The following CNTN5 variants were observed in gnomAD, a reference collection of about 807,000 sequenced individuals.
CNTN5 encodes the protein contactin 5, also known as contactin-5.
A neutral mutation model predicts 129.1 loss-of-function variants in CNTN5; 77 were observed. The observed-to-expected ratio is 0.60, with a 90% CI of 0.50 to 0.72. The LOEUF is 0.72. CNTN5 is among the 30% of genes least tolerant of loss of function. The pLI, the probability that CNTN5 is intolerant of heterozygous loss-of-function variation, is 0.00. For synonymous variants in CNTN5, 509 were observed against 465.6 expected (o/e 1.09, Z -1.20); for missense variants, 1,478 against 1,328.8 (o/e 1.11, Z -1.75).
At chr11:100,246,159 G>A (rs1257269696) in intron 16 of CNTN5, among the ~76,000 whole-genome samples, 3 of 152,042 alleles carry the variant, frequency 2.0e-5, no homozygotes, top group African/African-American at 7.2e-5. Context: ...GATTGATATT[G>A]TCAAAGTTAC....
intron 3 of CNTN5, among the ~76,000 whole-genome samples, chr11:99,782,357 G>T (rs1323303191): frequency 1.3e-5 from 2 of 149,582 alleles, no homozygotes; most frequent in African/African-American, 5.0e-5. Flanking sequence ...AACATTCCAT[G>T]CTCATGGGTA....
chr11:100,177,934 C>T (rs1948021648), intron 13 of CNTN5, among the ~76,000 whole-genome samples: 1 of 152,078 alleles, frequency 6.6e-6, no homozygotes, highest in South Asian at 2.1e-4. Context: ...GCCACATCCC[C>T]ACCCTGTACT....
At chr11:99,543,902 C>T (rs1466622004) in intron 2 of CNTN5, among the ~76,000 whole-genome samples, 1 of 99,136 alleles carries the variant, frequency 1.0e-5, no homozygotes, top group African/African-American at 4.1e-5. Context: ...GCTTGGGTAA[C>T]AGAGAGAGTC....
At chr11:99,592,078 A>C (rs2135670664) in intron 3 of CNTN5, among the ~76,000 whole-genome samples, 1 of 152,318 alleles carries the variant, frequency 6.6e-6, no homozygotes, top group East Asian at 1.9e-4. Flanking sequence ...TGAAATTTGA[A>C]AGAAAAACTA....
At chr11:99,872,317 T>A (rs1450651943) in intron 6 of CNTN5, among the ~76,000 whole-genome samples, 2 of 152,158 alleles carry the variant, frequency 1.3e-5, no homozygotes, top group Admixed American at 6.6e-5. Flanking sequence ...AGTTATTTTT[T>A]ACTTCCAGAA....
In CNTN5 at chr11:99,809,150, G is replaced by C. The variant is rs191696557; in HGVS notation, c.56-10394G>C. ...GGAAAAATTTTTGTTTACTCTATGG[G>C]GGAGAATGATGTCAGACCCTCTTAA... On this transcript the variant is annotated intron_variant, in intron 3 of 24. Transcript: ENST00000524871. Among the ~76,000 whole-genome samples, 111 of 152,160 alleles carry C rather than the reference G, an allele frequency of 7.3e-4. 1 individual carries two copies. Among genetic ancestry groups the C allele is most frequent in the Non-Finnish European group, 1.3e-3 (88 of 68,006 alleles).
At chr11:99,334,080 A>G (rs1053471920) in intron 2 of CNTN5, among the ~76,000 whole-genome samples, 31 of 152,002 alleles carry the variant, frequency 2.0e-4, no homozygotes, top group Non-Finnish European at 4.4e-5. Context: ...CCAAAACTAA[A>G]AAGGCCAGCA....
At chr11:99,637,582 AT>A (rs1458172324) in intron 3 of CNTN5, among the ~76,000 whole-genome samples, 1 of 152,060 alleles carries the variant, frequency 6.6e-6, no homozygotes, top group Non-Finnish European at 1.5e-5. Context: ...AAAAATCAGT[AT>A]TTTTTTAAGT....
At chr11:100,323,473 C>T (rs947943132) in intron 21 of CNTN5, among the ~76,000 whole-genome samples, 1 of 152,132 alleles carries the variant, frequency 6.6e-6, no homozygotes, top group Non-Finnish European at 1.5e-5. Flanking sequence ...AGAGTAAACT[C>T]TCCTCTAGCT....
At chr11:99,178,790 AATATT>A (rs1857906081) in intron 1 of CNTN5, among the ~76,000 whole-genome samples, 2 of 152,174 alleles carry the variant, frequency 1.3e-5, no homozygotes, top group Admixed American at 1.3e-4. Context: ...TTTCAATTCT[AATATT>A]ATATAATTAT....
At chr11:99,213,612 T>A (rs1448979210) in intron 1 of CNTN5, among the ~76,000 whole-genome samples, 2 of 151,712 alleles carry the variant, frequency 1.3e-5, no homozygotes, top group East Asian at 3.9e-4. Context: ...TGTAATAAAT[T>A]GCTAAATTTC....
chr11:99,909,581 G>A (rs12808797), intron 6 of CNTN5, among the ~76,000 whole-genome samples: 1 of 152,112 alleles, frequency 6.6e-6, no homozygotes, highest in African/African-American at 2.4e-5. Context: ...AACAATGATA[G>A]ACTGGATTAA....
At chr11:100,272,845 C>T (rs1950432160) in intron 18 of CNTN5, among the ~76,000 whole-genome samples, 2 of 152,258 alleles carry the variant, frequency 1.3e-5, no homozygotes, top group South Asian at 4.1e-4. Context: ...ACCCCCTAGA[C>T]CACCACGGAC....
At chr11:100,098,872 G>A (rs115357267) in intron 13 of CNTN5, among the ~76,000 whole-genome samples, 9 of 151,942 alleles carry the variant, frequency 5.9e-5, no homozygotes, top group African/African-American at 1.5e-4. Context: ...CAGATTAGCC[G>A]GACTTGTTCA....
At chr11:99,068,582 C>T (rs571794094) in intron 1 of CNTN5, among the ~76,000 whole-genome samples, 1 of 152,272 alleles carries the variant, frequency 6.6e-6, no homozygotes, top group Admixed American at 6.5e-5. Flanking sequence ...TGGAGAAATA[C>T]ACTGGCCAGT....
At chr11:100,334,227 G>A (rs984330718) in intron 21 of CNTN5, among the ~76,000 whole-genome samples, 1 of 152,084 alleles carries the variant, frequency 6.6e-6, no homozygotes, top group Non-Finnish European at 1.5e-5. Context: ...AAACCACAAA[G>A]AGATACCACC....
At chr11:99,690,934 A>G (rs1954015748) in intron 3 of CNTN5, among the ~76,000 whole-genome samples, 1 of 152,032 alleles carries the variant, frequency 6.6e-6, no homozygotes, top group Admixed American at 6.6e-5. Context: ...CCTTAATTTC[A>G]GAACTCATTT....
chr11:100,038,853 T>C (rs1396092965), intron 9 of CNTN5, among the ~76,000 whole-genome samples: 1 of 152,222 alleles, frequency 6.6e-6, no homozygotes, highest in African/African-American at 2.4e-5. Flanking sequence ...ATTTTGAGCC[T>C]GTGTATGTGT....
intron 3 of CNTN5, among the ~76,000 whole-genome samples, chr11:99,642,834 T>G (rs1452185925): frequency 6.6e-6 from 1 of 152,172 alleles, no homozygotes; most frequent in East Asian, 1.9e-4. Context: ...CACTTATGAA[T>G]GACAGTATGA....
Sources: gnomAD v4.1 joint callset for allele counts (sites outside exome capture counted in the v4.1 genomes callset) on GRCh38, gnomAD v4.1.1 for gene constraint, MANE v1.5 for transcripts, NCBI Gene and HGNC (gene_info 2026-07-23, HGNC 2026-07-21) for gene names.